Variants in KCTD15 observed in about 807,000 individuals in gnomAD.
The protein encoded by KCTD15 is potassium channel tetramerization domain containing 15.
Under a neutral mutation model 27.2 loss-of-function variants are expected in KCTD15, and 11 were observed. That is an observed-to-expected ratio of 0.41 (90% CI 0.25 to 0.67). The LOEUF is 0.67. KCTD15 is among the 30% of genes least tolerant of loss of function. The pLI, the probability that KCTD15 is intolerant of heterozygous loss-of-function variation, is 0.35. For synonymous variants in KCTD15, 163 were observed against 176.0 expected, an observed-to-expected ratio of 0.93 and a Z score of 0.58; for missense variants, 350 against 409.3, an observed-to-expected ratio of 0.86 and a Z score of 1.25.
intron 1 of KCTD15, chr19:33,797,417 C>A (rs1306527582): frequency 3.3e-5 from 15 of 454,732 alleles, no homozygotes; most frequent in South Asian, 1.9e-4. Flanking sequence ...ATGCACAAGT[C>A]CCGGCTTGGC....
chr19:33,810,828 G>A (rs1975874723), intron 5 of KCTD15, among the ~76,000 whole-genome samples: 1 of 151,960 alleles, frequency 6.6e-6, no homozygotes, highest in African/African-American at 2.4e-5. Context: ...CTTCCGGGTA[G>A]GCTGTGAGCT....
intron 1 of KCTD15, chr19:33,797,361 C>A (rs1228515478): frequency 2.2e-6 from 1 of 453,160 alleles, no homozygotes; most frequent in Non-Finnish European, 4.4e-6. Context: ...GCAGAGCTGG[C>A]GAGTTTCCGG....
chr19:33,800,631 G>A, intron 3 of KCTD15, 111 bp downstream of exon 3: 3 of 937,720 alleles, frequency 3.2e-6, no homozygotes. Context: ...CCAGGTGGCT[G>A]TTGACTGGCT....
intron 6 of KCTD15, chr19:33,812,224 G>A: frequency 9.4e-7 from 1 of 1,062,960 alleles, no homozygotes; most frequent in Non-Finnish European, 1.1e-6. Flanking sequence ...CCTCACAGAG[G>A]CACAAACCCA....
In KCTD15 at chr19:33,812,984, A is replaced by T; in HGVS notation, c.*36A>T. ...AGTGCCCACCTGGGCCCCCCCAGGG[A>T]CCTGGAAACAGTGCTGGGGAGTTCT... is the stretch of plus-strand genomic sequence containing the variant. On this transcript the variant is annotated 3_prime_UTR_variant, in exon 7 of 7. Coordinates refer to ENST00000683859, the MANE Select transcript of KCTD15 (RefSeq NM_001129994.2). 6.6e-7 allele frequency: 1 copy of T among 1,513,784 alleles called. No individual in the cohort carries two copies. The highest frequency in any genetic ancestry group is 8.9e-7 in the Non-Finnish European group (1 of 1,127,768). The allele number at this position is 1,513,784 out of a possible 1,614,324, so 93.8% of individuals were successfully genotyped here.
At chr19:33,811,209 C>CAAAA in intron 5 of KCTD15, 38 bp from the exon 6 acceptor site, 1 of 696,464 alleles carries the variant, frequency 1.4e-6, no homozygotes, top group Non-Finnish European at 2.1e-6. Flanking sequence ...CACCCCTACT[C>CAAAA]CGACACCCAC....
intron 5 of KCTD15, 63 bp from the exon 6 acceptor site, chr19:33,811,178 CCCCTCT>C: frequency 7.5e-5 from 44 of 590,226 alleles, no homozygotes; most frequent in Middle Eastern, 5.5e-4. Context: ...CAGGCCGCCT[CCCCTCT>C]CCCCCTTCCC....
At chr19:33,795,064 C>T (rs1010904502), upstream of KCTD15, among the ~76,000 whole-genome samples, 2 of 152,232 alleles carry the variant, frequency 1.3e-5, no homozygotes, top group African/African-American at 2.4e-5. Context: ...GTTCCAGGAG[C>T]AGCTCAAAAT....
At position 33,811,860 on chromosome 19, in the gene KCTD15, T is replaced by C. The variant is rs1975937112; in HGVS notation, c.693+308T>C. Reference sequence around the variant, plus strand: ...TTCATTTGACACCCAGAGTCTGACTTTGGATTCGAACTAAACCCAGGCAAC... The same window carrying C: ...TTCATTTGACACCCAGAGTCTGACTCTGGATTCGAACTAAACCCAGGCAAC... On this transcript the variant is annotated intron_variant, in intron 6 of 6. Coordinates refer to ENST00000683859, the MANE Select transcript of KCTD15 (RefSeq NM_001129994.2). 9.4e-6 allele frequency: 15 copies of C among 1,603,146 alleles called. No individual in the cohort carries two copies. The East Asian group carries it at 1.8e-4, about 19-fold the overall frequency.
rs1043192553 is a variant in KCTD15 at position 33,811,453 on chromosome 19, A to T, written c.594A>T (p.Gly198=). Residue 198 remains glycine (G), a synonymous_variant, in exon 6 of 7, where the codon GGA becomes GGT. Transcript: ENST00000683859. ...ALIEEVFPET[G]DVMCNSVNAG... Reference sequence around the variant, plus strand: ...TCGAGGAGGTCTTCCCCGAGACCGGAGACGTCATGTGCAACTCCGTCAACG... The same window carrying T: ...TCGAGGAGGTCTTCCCCGAGACCGGTGACGTCATGTGCAACTCCGTCAACG... 6.2e-7 allele frequency: 1 copy of T among 1,612,886 alleles called. No homozygotes were observed. The highest frequency in any genetic ancestry group is 1.3e-5 in the African/African-American group (1 of 75,014).
At chr19:33,794,456 T>TGAA (rs1371979029), upstream of KCTD15, among the ~76,000 whole-genome samples, 261 of 152,352 alleles carry the variant, frequency 1.7e-3, no homozygotes, top group African/African-American at 5.9e-3. Flanking sequence ...ATGTATATAT[T>TGAA]CACCCAGATT....
At position 33,811,995 on chromosome 19, in the gene KCTD15, C is replaced by T. The variant is rs991761904; in HGVS notation, c.693+443C>T. 28 of 1,470,790 alleles carry T rather than the reference C, an allele frequency of 1.9e-5. No homozygotes were observed. The African/African-American group carries it at 2.3e-4, about 12-fold the overall frequency. 91.1% of individuals were successfully genotyped at this position (1,470,790 alleles called of 1,614,324 possible). ...CCAGCTGCCAAGAGAATCCCTGGAC[C>T]GGCTCTTCCTGGATGGGTCCAAGAA... On this transcript the variant is annotated intron_variant, in intron 6 of 6. Transcript: ENST00000683859.
chr19:33,794,555 A>G (rs761899806), upstream of KCTD15, among the ~76,000 whole-genome samples: 4 of 152,192 alleles, frequency 2.6e-5, no homozygotes, highest in Non-Finnish European at 5.9e-5. Context: ...AGCCATGACA[A>G]GCGGATTTTC....
At position 33,806,505 on chromosome 19, in the gene KCTD15, G is replaced by A. The variant is rs991479810; in HGVS notation, c.243-358G>A. ...GTGGGTCTATCTGGCAAGGGTGTGT[G>A]CACCAGGCCTGTGACCAGCTGGTTT... On this transcript the variant is annotated intron_variant, in intron 4 of 6. Coordinates refer to ENST00000683859, the MANE Select transcript of KCTD15 (RefSeq NM_001129994.2). Among the ~76,000 whole-genome samples the A allele has an allele frequency of 7.2e-5, 11 of 152,292 alleles. No individual in the cohort carries two copies. The East Asian group carries it at 2.1e-3, about 29-fold the overall frequency.
chr19:33,807,060 A>G, intron 5 of KCTD15, 53 bp downstream of exon 5: 1 of 1,578,508 alleles, frequency 6.3e-7, no homozygotes, highest in South Asian at 1.2e-5. Flanking sequence ...GGCATTACAC[A>G]GGGGACGCTG....
At chr19:33,797,957 A>T (rs927881211) in intron 1 of KCTD15, among the ~76,000 whole-genome samples, 2 of 151,722 alleles carry the variant, frequency 1.3e-5, no homozygotes, top group Admixed American at 1.3e-4. Flanking sequence ...CTCCGCGGCA[A>T]CCCCTCCCAG....
chr19:33,808,347 G>A (rs983284264), intron 5 of KCTD15, among the ~76,000 whole-genome samples: 2 of 152,174 alleles, frequency 1.3e-5, no homozygotes, highest in African/African-American at 4.8e-5. Context: ...ACAGTCTAGC[G>A]GGCAGACAGA....
intron 1 of KCTD15, chr19:33,797,263 TGTGTGTGTGTGTGTGTGTGTGCGCGC>T (rs1211456048): frequency 3.5e-6 from 1 of 282,912 alleles, no homozygotes; most frequent in Non-Finnish European, 6.9e-6. Flanking sequence ...TGTGTGTGTG[TGTGTGTGTGTGTGTGTGTGTGCGCGC>T]GCGCGCGCGC....
chr19:33,796,313 C>G (rs1599662617), upstream of KCTD15: 1 of 150,300 alleles, frequency 6.7e-6, no homozygotes, highest in East Asian at 2.0e-4. Flanking sequence ...GGGGCCTGGG[C>G]GCACCGCTCC....
Sources: allele counts gnomAD v4.1 joint callset (sites outside exome capture counted in the v4.1 genomes callset), GRCh38; gene constraint gnomAD v4.1.1; transcripts MANE v1.5; gene names NCBI Gene and HGNC (gene_info 2026-07-23, HGNC 2026-07-21).